The following USP16 variants were observed in gnomAD, a reference collection of about 807,000 sequenced individuals.
The protein encoded by USP16 is ubiquitin specific peptidase 16, also known as ubiquitin carboxyl-terminal hydrolase 16.
USP16 carries 77 observed loss-of-function variants against 95.9 expected under a neutral mutation model. The observed-to-expected ratio is 0.80, with a 90% CI of 0.67 to 0.97. The LOEUF is 0.97. USP16 is among the 50% of genes least tolerant of loss of function. The probability of loss-of-function intolerance (pLI) is 0.00; values close to 1 mark genes in which losing one functional copy is unlikely to be tolerated. For missense variants in USP16, 943 were observed against 959.9 expected, an observed-to-expected ratio of 0.98 and a Z score of 0.23; for synonymous variants, 303 against 318.2, an observed-to-expected ratio of 0.95 and a Z score of 0.51.
rs901461364 is a variant in USP16 at position 29,024,835 on chromosome 21, G to C, written c.-42+58G>C. 3.0e-5 allele frequency: 37 copies of C among 1,238,180 alleles called. No individual in the cohort carries two copies. In the East Asian group the frequency reaches 2.0e-3, roughly 66 times the overall value. 76.7% of individuals were successfully genotyped at this position (1,238,180 alleles called of 1,614,324 possible). A position where few individuals can be genotyped will look rare whatever the true frequency, so the allele number is the denominator to read the frequency against. On this transcript the variant is annotated intron_variant, in intron 1 of 17. Coordinates refer to ENST00000399976, the MANE Select transcript of USP16 (RefSeq NM_006447.3). ...GCTCGCCTGGCTTTCTGCGCTGGGA[G>C]AGCTCCTGTTTTCCGCCCCAACTTC... is the stretch of plus-strand genomic sequence containing the variant.
chr21:29,036,215 C>T (rs1345302290), intron 4 of USP16, 56 bp from the exon 5 acceptor site: 7 of 1,381,454 alleles, frequency 5.1e-6, no homozygotes, highest in South Asian at 5.0e-5. Context: ...TATTATTTGT[C>T]TCCCCCTTTT....
intron 5 of USP16, among the ~76,000 whole-genome samples, chr21:29,036,833 A>T (rs1019154609): frequency 6.6e-6 from 1 of 152,118 alleles, no homozygotes; most frequent in African/African-American, 2.4e-5. Flanking sequence ...TTAAGTTTTT[A>T]TTGTCACAAG....
chr21:29,030,535 T>C (rs1601042717), intron 2 of USP16, 60 bp from the exon 3 acceptor site: 7 of 1,384,746 alleles, frequency 5.1e-6, no homozygotes, highest in Non-Finnish European at 6.6e-6. Context: ...AGTTTTGAGA[T>C]TAACTGAAGA....
Position 29,054,185 on chromosome 21 carries a change from T to C in USP16, c.2470T>C (p.Ter824GlnextTer1). The change falls in exon 18 of 18, where the codon TAA (stop) becomes CAA (glutamine). Residue 824 changes from the stop codon to glutamine, a stop_lost. Transcript: ENST00000399976. ...AYLLFYERIL[*>Q] is the part of the protein sequence containing the mutation. Reference sequence around the variant, plus strand: ...CCTCCTATTTTATGAGAGAATACTGTAATAATATCAAAAGCACTTTTTCTG... The same window carrying C: ...CCTCCTATTTTATGAGAGAATACTGCAATAATATCAAAAGCACTTTTTCTG... 1 of 1,610,028 alleles carries C rather than the reference T, an allele frequency of 6.2e-7. No homozygotes were observed.
chr21:29,044,748 ATTCTTTCTTTCT>A (rs564605028), intron 13 of USP16, among the ~76,000 whole-genome samples: 3 of 151,452 alleles, frequency 2.0e-5, no homozygotes, highest in African/African-American at 7.3e-5. Flanking sequence ...TGCCTGGCCC[ATTCTTTCTTTCT>A]TTCTTTCTTT....
chr21:29,035,616 C>G (rs908218671), intron 4 of USP16, among the ~76,000 whole-genome samples: 6 of 152,060 alleles, frequency 3.9e-5, no homozygotes, highest in Admixed American at 3.9e-4. Context: ...TCGTGATCCC[C>G]TTGTGATCCG....
Position 29,046,895 on chromosome 21 carries a change from CA to C in USP16, c.1590del (p.Lys530AsnfsTer6). The C allele has an allele frequency of 6.2e-7, 1 of 1,614,026 alleles. No individual in the cohort carries two copies. Among genetic ancestry groups the C allele is most frequent in the Non-Finnish European group, 8.5e-7 (1 of 1,179,996 alleles). On this transcript the variant is annotated frameshift_variant, in exon 14 of 18. Coordinates refer to ENST00000399976, the MANE Select transcript of USP16 (RefSeq NM_006447.3). LOFTEE classifies it high-confidence loss of function. The part of the protein sequence containing the change: ...AKMIESVTDN[Q>X]KSTEEVDMKN... Reference sequence around the variant, plus strand: ...AATGATCGAAAGTGTAACTGACAATCAAAAATCCACAGAGGAAGTAGATATG... The same window carrying C: ...AATGATCGAAAGTGTAACTGACAATCAAAATCCACAGAGGAAGTAGATATG...
chr21:29,046,541 T>C, intron 13 of USP16, 126 bp from the exon 14 acceptor site: 1 of 1,022,362 alleles, frequency 9.8e-7, no homozygotes, highest in Non-Finnish European at 1.4e-6. Flanking sequence ...TTATTTTTGA[T>C]TGACAAGCAG....
In USP16 at chr21:29,038,920, C is replaced by A. The variant is rs538050854; in HGVS notation, c.733-106C>A. The A allele has an allele frequency of 8.3e-5, 95 of 1,149,224 alleles. 1 individual carries two copies. In the African/African-American group the frequency reaches 1.3e-3, roughly 16 times the overall value. 71.2% of individuals were successfully genotyped at this position (1,149,224 alleles called of 1,614,324 possible). On this transcript the variant is annotated intron_variant, in intron 7 of 17. Coordinates refer to ENST00000399976, the MANE Select transcript of USP16 (RefSeq NM_006447.3). Reference sequence around the variant, plus strand: ...GTACATTTTAAACTTTTAAATGGGGCAGTTCTGTCAGGAACATTGGTAGTA... The same window carrying A: ...GTACATTTTAAACTTTTAAATGGGGAAGTTCTGTCAGGAACATTGGTAGTA...
At chr21:29,045,365 G>A (rs1295643374) in intron 13 of USP16, among the ~76,000 whole-genome samples, 1 of 152,118 alleles carries the variant, frequency 6.6e-6, no homozygotes, top group East Asian at 1.9e-4. Flanking sequence ...TTGATGAAAT[G>A]CCTTCTTTTC....
At chr21:29,035,377 ATCT>A (rs905042794) in intron 4 of USP16, among the ~76,000 whole-genome samples, 9 of 150,640 alleles carry the variant, frequency 6.0e-5, no homozygotes, top group Non-Finnish European at 8.9e-5. Flanking sequence ...ACTGAATGAC[ATCT>A]TTTTTTTTTT....
At position 29,036,253 on chromosome 21, in the gene USP16, C is replaced by T; in HGVS notation, c.345-18C>T. ...GTTGTCATTTTGTCATTTTTCATCT[C>T]TGATTTTTGGGTCACAGGTGTTACG... On this transcript the variant is annotated intron_variant, in intron 4 of 17. Transcript: ENST00000399976. 5.1e-6 allele frequency: 8 copies of T among 1,582,350 alleles called. No individual in the cohort carries two copies. The highest frequency in any genetic ancestry group is 6.9e-6 in the Non-Finnish European group (8 of 1,160,474).
intron 6 of USP16, among the ~76,000 whole-genome samples, chr21:29,038,008 A>G (rs922414469): frequency 2.0e-5 from 3 of 152,236 alleles, no homozygotes; most frequent in Non-Finnish European, 2.9e-5. Flanking sequence ...GGTGGAGGAA[A>G]CACAGGATAA....
rs747934657 is a variant in USP16, at chr21:29,027,918, G to A, written c.5G>A (p.Gly2Glu). The A allele has an allele frequency of 6.2e-7, 1 of 1,613,536 alleles. No individual in the cohort carries two copies. Among genetic ancestry groups the A allele is most frequent in the Admixed American group, 1.7e-5 (1 of 60,000 alleles). ...AGTAATCCATAAAGTGCCAACATGG[G>A]AAAGAAACGGACAAAGGGAAAAACT... Reference protein sequence around the residue: MGKKRTKGKTVP... With the variant: MEKKRTKGKTVP... Residue 2 changes from glycine (G) to glutamate (E), a missense_variant, in exon 2 of 18, where the codon GGA becomes GAA. Transcript: ENST00000399976.
intron 16 of USP16, among the ~76,000 whole-genome samples, chr21:29,051,278 T>G (rs542331648): frequency 1.6e-4 from 24 of 152,284 alleles, no homozygotes; most frequent in African/African-American, 3.6e-4. Flanking sequence ...TTTGAGAAAT[T>G]AATGTGCTTA....
intron 14 of USP16, among the ~76,000 whole-genome samples, chr21:29,048,450 C>A (rs2085364281): frequency 6.6e-6 from 1 of 152,126 alleles, no homozygotes; most frequent in Non-Finnish European, 1.5e-5. Context: ...AAACTTTCAA[C>A]CTCATTAACC....
rs1447767402 is a variant in USP16, at chr21:29,054,131, A to C, written c.2416A>C (p.Thr806Pro). The change falls in exon 18 of 18, where the codon ACA becomes CCA. Residue 806 changes from threonine to proline, a missense_variant. Transcript: ENST00000399976. ...CGACACACATGTGCAAGCTGTGCCT[A>C]CAACTAAAGTACTAAACTCACAAGC... ...ISDTHVQAVPTTKVLNSQAYL... is the reference protein window; with the variant it reads ...ISDTHVQAVPPTKVLNSQAYL... The C allele has an allele frequency of 6.2e-7, 1 of 1,614,232 alleles. No individual in the cohort carries two copies. The highest frequency in any genetic ancestry group is 1.3e-5 in the African/African-American group (1 of 75,072).
chr21:29,047,946 GTATA>G (rs143207827), intron 14 of USP16, among the ~76,000 whole-genome samples: 1 of 149,068 alleles, frequency 6.7e-6, no homozygotes, highest in South Asian at 2.1e-4. Context: ...GTGTGTGTAT[GTATA>G]TATATATATG....
Position 29,034,927 on chromosome 21 carries a change from A to G in USP16, c.331A>G (p.Asn111Asp). The change falls in exon 4 of 18, where the codon AAC (asparagine) becomes GAC (aspartate). Residue 111 changes from asparagine (N) to aspartate (D), a missense_variant. Asn to Asp is a conservative substitution (Grantham distance 23). Transcript: ENST00000399976. ...EPHCLVLSLD[N>D]WSVWCYVCDN... ...TCACTGTCTGGTTCTTAGTTTGGAC[A>G]ACTGGAGTGTATGGTGAGTTTCAGT... The G allele has an allele frequency of 6.2e-7, 1 of 1,613,930 alleles. No individual in the cohort carries two copies. Among genetic ancestry groups the G allele is most frequent in the Non-Finnish European group, 8.5e-7 (1 of 1,179,810 alleles).
Sources: allele counts gnomAD v4.1 joint callset (sites outside exome capture counted in the v4.1 genomes callset), GRCh38; gene constraint gnomAD v4.1.1; transcripts MANE v1.5; gene names NCBI Gene and HGNC (gene_info 2026-07-23, HGNC 2026-07-21).